The following ALDH3A1 variants were observed in gnomAD, a reference collection of about 807,000 sequenced individuals.
ALDH3A1 encodes aldehyde dehydrogenase, dimeric NADP-preferring.
A neutral mutation model predicts 49.9 loss-of-function variants in ALDH3A1; 46 were observed. The observed-to-expected ratio is 0.92, with a 90% CI of 0.73 to 1.18. ALDH3A1 has a LOEUF of 1.18. Among genes scored for constraint, ALDH3A1 ranks in the 50% most tolerant of loss-of-function variants. The pLI is 0.00. For missense variants in ALDH3A1, 592 were observed against 611.8 expected (o/e 0.97, Z 0.34); for synonymous variants, 269 against 253.3 (o/e 1.06, Z -0.59).
chr17:19,744,729 C>A, intron 2 of ALDH3A1: 1 of 1,352,444 alleles, frequency 7.4e-7, no homozygotes, highest in East Asian at 3.1e-5. Context: ...AAATGGGGGA[C>A]GCTGCGGGCG....
At chr17:19,744,697 G>T in intron 2 of ALDH3A1, 1 of 1,338,016 alleles carries the variant, frequency 7.5e-7, no homozygotes, top group Non-Finnish European at 9.5e-7. Flanking sequence ...GAAGTTCAGG[G>T]TGTCGGGGCA....
chr17:19,743,504 C>A lies in ALDH3A1; in HGVS notation c.163-41G>T. The stretch of plus-strand genomic sequence containing the variant: ...CGGAGTGAGCTTCCAGGGCCAGGGC[C>A]CGCCTGCAGCTGGGGCGAGTGGGGA... On this transcript the variant is annotated intron_variant, in intron 2 of 10. Transcript: ENST00000225740. This position sits in a 1 kb window ranked among gnomAD's most constrained non-coding sequence, Gnocchi z 4.4. The A allele has an allele frequency of 6.5e-7, 1 of 1,549,084 alleles. No homozygotes were observed. The highest frequency in any genetic ancestry group is 8.7e-7 in the Non-Finnish European group (1 of 1,145,998).
intron 6 of ALDH3A1, 56 bp downstream of exon 6, chr17:19,741,037 G>T: frequency 7.4e-7 from 1 of 1,350,020 alleles, no homozygotes; most frequent in Non-Finnish European, 1.1e-6. Context: ...AAGGGGCCAG[G>T]CCCCCCTTGT....
In ALDH3A1 at chr17:19,743,802, C is replaced by T. The variant is rs1486365659; in HGVS notation, c.163-339G>A. 3.0e-5 allele frequency: 15 copies of T among 507,478 alleles called. No individual in the cohort carries two copies. In the East Asian group the frequency reaches 2.1e-3, roughly 71 times the overall value. 31.4% of individuals were successfully genotyped at this position (507,478 alleles called of 1,614,324 possible). ...TAGATTCAGGCAGTGGGAATGGATC[C>T]GGGGAGGGGGGGATGGATCCGGGGA... On this transcript the variant is annotated intron_variant, in intron 2 of 10. Transcript: ENST00000225740. The surrounding 1 kb of genome is among the most constrained non-coding windows in gnomAD (Gnocchi z 4.4).
At chr17:19,741,543 G>A (rs2086492402) in intron 5 of ALDH3A1, among the ~76,000 whole-genome samples, 1 of 152,196 alleles carries the variant, frequency 6.6e-6, no homozygotes, top group African/African-American at 2.4e-5. Flanking sequence ...GGATATGGAG[G>A]TGGTCAGAGC....
intron 1 of ALDH3A1, chr17:19,745,559 C>T (rs1340557038): frequency 6.3e-6 from 1 of 159,690 alleles, no homozygotes; most frequent in African/African-American, 2.4e-5. Flanking sequence ...ACACCCAAGC[C>T]GATAAAGAAA....
At chr17:19,747,503 G>C (rs1165316765) in intron 1 of ALDH3A1, among the ~76,000 whole-genome samples, 5 of 152,172 alleles carry the variant, frequency 3.3e-5, no homozygotes, top group Admixed American at 2.6e-4. Flanking sequence ...AGCGTGGGAC[G>C]GGATTGGCCT....
chr17:19,746,487 G>A (rs1436626580), intron 1 of ALDH3A1, among the ~76,000 whole-genome samples: 1 of 152,090 alleles, frequency 6.6e-6, no homozygotes, highest in Non-Finnish European at 1.5e-5. Flanking sequence ...AGCGGTATTT[G>A]AAGGCCTCGG....
Position 19,739,108 on chromosome 17 carries a change from C to G in ALDH3A1, c.1117-13G>C. 1 of 1,609,992 alleles carries G rather than the reference C, an allele frequency of 6.2e-7. No homozygotes were observed. ...TCTTCTTAATCACCTGCACCAGGAC[C>G]CAGCCACTGGCCTCAGTCTCCTGCC... On this transcript the variant is annotated splice_polypyrimidine_tract_variant and intron_variant, in intron 8 of 10. Transcript: ENST00000225740.
chr17:19,748,160 G>A lies in ALDH3A1; in HGVS notation c.-6+99C>T, dbSNP rs1009981957. ...TGGTCCCAGAGGCAGGGACCCCCTG[G>A]AGAGATGATGTAGGACTCTTGACAC... is the stretch of plus-strand genomic sequence containing the variant. On this transcript the variant is annotated intron_variant, in intron 1 of 10. Transcript: ENST00000225740. This position sits in a 1 kb window ranked among gnomAD's most constrained non-coding sequence, Gnocchi z 4.4. 3 of 349,506 alleles carry A rather than the reference G, an allele frequency of 8.6e-6. No individual in the cohort carries two copies. Among genetic ancestry groups the A allele is most frequent in the East Asian group, 1.5e-4 (2 of 13,382 alleles). 21.7% of individuals were successfully genotyped at this position (349,506 alleles called of 1,614,324 possible).
chr17:19,744,911 C>A, intron 2 of ALDH3A1, 57 bp downstream of exon 2: 2 of 1,112,688 alleles, frequency 1.8e-6, no homozygotes, highest in Non-Finnish European at 2.3e-6. Context: ...GCCCCTCCCC[C>A]CACGCCCCAT....
At chr17:19,739,940 C>G (rs936213079) in intron 7 of ALDH3A1, among the ~76,000 whole-genome samples, 2 of 152,198 alleles carry the variant, frequency 1.3e-5, no homozygotes, top group Non-Finnish European at 2.9e-5. Flanking sequence ...TGCCGGCCAC[C>G]TGATGCCCTG....
intron 2 of ALDH3A1, chr17:19,744,690 G>T: frequency 7.5e-7 from 1 of 1,330,134 alleles, no homozygotes; most frequent in Non-Finnish European, 9.6e-7. Flanking sequence ...AGGACCAGAA[G>T]TTCAGGGTGT....
Position 19,738,188 on chromosome 17 carries a change from C to T in ALDH3A1, c.*33G>A, listed in dbSNP as rs545990205. The T allele has an allele frequency of 6.2e-7, 1 of 1,613,744 alleles. No individual in the cohort carries two copies. Among genetic ancestry groups the T allele is most frequent in the Non-Finnish European group, 8.5e-7 (1 of 1,179,992 alleles). Reference sequence around the variant, plus strand: ...GGGTGGTCCGCACTCCGATGGGACACAGTATGGCCAGGCCAGGCGGAGCAA... The same window carrying T: ...GGGTGGTCCGCACTCCGATGGGACATAGTATGGCCAGGCCAGGCGGAGCAA... On this transcript the variant is annotated 3_prime_UTR_variant, in exon 11 of 11. Coordinates refer to ENST00000225740, the MANE Select transcript of ALDH3A1 (RefSeq NM_000691.5).
chr17:19,744,901 G>GGGCCCC, intron 2 of ALDH3A1, 67 bp downstream of exon 2: 1 of 434,632 alleles, frequency 2.3e-6, no homozygotes, highest in Non-Finnish European at 3.2e-6. Flanking sequence ...ACTCTCCCCA[G>GGGCCCC]CCCCTCCCCC....
chr17:19,740,103 G>T (rs2086462577), intron 7 of ALDH3A1: 1 of 538,778 alleles, frequency 1.9e-6, no homozygotes, highest in Admixed American at 3.3e-5. Flanking sequence ...GAGGGGCAGG[G>T]AGATGAGGCC....
In ALDH3A1 at chr17:19,743,667, GA is replaced by G. The variant is rs1465364532; in HGVS notation, c.163-205del. 9 of 985,376 alleles carry G rather than the reference GA, an allele frequency of 9.1e-6. No homozygotes were observed. Among genetic ancestry groups the G allele is most frequent in the South Asian group, 4.7e-5 (1 of 21,286 alleles). 61.0% of individuals were successfully genotyped at this position (985,376 alleles called of 1,614,324 possible). A position where few individuals can be genotyped will look rare whatever the true frequency, so the allele number is the denominator to read the frequency against. Reference sequence around the variant, plus strand: ...GGTCTGAGAGGACCCCTTTCTGCCAGAGGGGGGCCCAGGTAGGTTTGCGGCC... The same window carrying G: ...GGTCTGAGAGGACCCCTTTCTGCCAGGGGGGGCCCAGGTAGGTTTGCGGCC... On this transcript the variant is annotated intron_variant, in intron 2 of 10. Coordinates refer to ENST00000225740, the MANE Select transcript of ALDH3A1 (RefSeq NM_000691.5). This position sits in a 1 kb window ranked among gnomAD's most constrained non-coding sequence, Gnocchi z 4.4.
At chr17:19,744,344 A>G (rs2086558346) in intron 2 of ALDH3A1, 2 of 881,528 alleles carry the variant, frequency 2.3e-6, no homozygotes, top group Admixed American at 1.2e-4. Flanking sequence ...CGGAGGTTGC[A>G]GTGAGCCGAG....
chr17:19,742,200 C>T lies in ALDH3A1; in HGVS notation c.493G>A (p.Val165Ile), dbSNP rs778545859. 8 of 1,613,916 alleles carry T rather than the reference C, an allele frequency of 5.0e-6. No individual in the cohort carries two copies. In the Admixed American group the frequency reaches 1.0e-4, roughly 20 times the overall value. Residue 165 changes from valine to isoleucine, a missense_variant, in exon 5 of 11, where the codon GTA (valine) becomes ATA (isoleucine). By Grantham distance (29) the Val-to-Ile change is conservative. Coordinates refer to ENST00000225740, the MANE Select transcript of ALDH3A1 (RefSeq NM_000691.5). ...GTCTCAGGGACACCCCCATTGATTA[C>T]TGGGTACAGATCCTTCCATGCAAGG... ...PQYLDKDLYP[V>I]INGGVPETTE...
Sources: allele counts gnomAD v4.1 joint callset (sites outside exome capture counted in the v4.1 genomes callset), GRCh38; gene constraint gnomAD v4.1.1; non-coding constraint Gnocchi (gnomAD v3.1); transcripts MANE v1.5; gene names NCBI Gene and HGNC (gene_info 2026-07-23, HGNC 2026-07-21).